Variants in B3GALT1 observed in about 807,000 individuals in gnomAD.
The protein encoded by B3GALT1 is beta-1,3-galactosyltransferase 1.
B3GALT1 carries 10 observed loss-of-function variants against 23.2 expected under a neutral mutation model. That is an observed-to-expected ratio of 0.43 (90% CI 0.27 to 0.73). B3GALT1 has a LOEUF of 0.73. Ranked by LOEUF, B3GALT1 falls within the 30% of genes least tolerant of loss-of-function variation. The pLI, the probability that B3GALT1 is intolerant of heterozygous loss-of-function variation, is 0.21. For missense variants in B3GALT1, 299 were observed against 405.4 expected (o/e 0.74, Z 2.25); for synonymous variants, 156 against 141.5 (o/e 1.10, Z -0.73).
chr2:167,447,817 G>C (rs1574083233), intron 1 of B3GALT1, among the ~76,000 whole-genome samples: 1 of 152,098 alleles, frequency 6.6e-6, no homozygotes, highest in East Asian at 1.9e-4. Flanking sequence ...TCCTGGGTGA[G>C]GCGATGCCTC....
At chr2:167,582,257 G>A (rs1425983740) in intron 2 of B3GALT1, among the ~76,000 whole-genome samples, 1 of 151,928 alleles carries the variant, frequency 6.6e-6, no homozygotes, top group African/African-American at 2.4e-5. Context: ...TCACCCTGAA[G>A]CAAAAAAAAA....
At chr2:167,720,327 C>G (rs1687211374) in intron 3 of B3GALT1, among the ~76,000 whole-genome samples, 1 of 152,130 alleles carries the variant, frequency 6.6e-6, no homozygotes, top group African/African-American at 2.4e-5. Context: ...TATGATGACA[C>G]TAGCTAAAAC....
chr2:167,728,188 G>C (rs970539245), intron 3 of B3GALT1, among the ~76,000 whole-genome samples: 1 of 152,168 alleles, frequency 6.6e-6, no homozygotes, highest in Non-Finnish European at 1.5e-5. Flanking sequence ...AGGAGTTTGA[G>C]ACCAGCCTGG....
chr2:167,574,484 A>C (rs1313196652), intron 2 of B3GALT1, among the ~76,000 whole-genome samples: 2 of 151,720 alleles, frequency 1.3e-5, no homozygotes, highest in African/African-American at 4.8e-5. Context: ...CAGTTGATTC[A>C]ATTGATGATG....
intron 4 of B3GALT1, among the ~76,000 whole-genome samples, chr2:167,864,566 C>T (rs1690171958): frequency 6.6e-6 from 1 of 152,020 alleles, no homozygotes. Flanking sequence ...CCTGTATTAA[C>T]TTGTTAATAA....
Position 167,417,086 on chromosome 2 carries a change from C to T in B3GALT1, c.-510-73091C>T, listed in dbSNP as rs183775936. Among the ~76,000 whole-genome samples the T allele has an allele frequency of 5.9e-5, 9 of 152,192 alleles. No individual in the cohort carries two copies. The East Asian group carries it at 1.2e-3, about 20-fold the overall frequency. Reference sequence around the variant, plus strand: ...TATATTTATGTGTTAGAAGGACATGCATTTTGGGAGGCCAGGGGTGGGATG... The same window carrying T: ...TATATTTATGTGTTAGAAGGACATGTATTTTGGGAGGCCAGGGGTGGGATG... On this transcript the variant is annotated intron_variant, in intron 1 of 4. Transcript: ENST00000392690.
chr2:167,805,547 G>A (rs1688734015), intron 3 of B3GALT1, among the ~76,000 whole-genome samples: 1 of 152,076 alleles, frequency 6.6e-6, no homozygotes, highest in African/African-American at 2.4e-5. Flanking sequence ...TCTACATATG[G>A]CTAGCCAGTT....
At chr2:167,487,502 A>G (rs543328399) in intron 1 of B3GALT1, among the ~76,000 whole-genome samples, 1 of 152,186 alleles carries the variant, frequency 6.6e-6, no homozygotes, top group African/African-American at 2.4e-5. Flanking sequence ...TAAAAATCCA[A>G]TAACTCTTTA....
At chr2:167,685,775 G>C (rs559954363) in intron 3 of B3GALT1, among the ~76,000 whole-genome samples, 1 of 152,150 alleles carries the variant, frequency 6.6e-6, no homozygotes, top group Non-Finnish European at 1.5e-5. Flanking sequence ...GTAGCCACGT[G>C]CTCAATGGCC....
chr2:167,693,636 G>A (rs1686748542), intron 3 of B3GALT1, among the ~76,000 whole-genome samples: 1 of 152,066 alleles, frequency 6.6e-6, no homozygotes, highest in African/African-American at 2.4e-5. Flanking sequence ...CTAATGATAA[G>A]TTCAGATATT....
At chr2:167,410,537 A>G (rs541887148) in intron 1 of B3GALT1, among the ~76,000 whole-genome samples, 2 of 150,692 alleles carry the variant, frequency 1.3e-5, no homozygotes, top group East Asian at 3.9e-4. Context: ...ATGAGAACAC[A>G]TGGACACAAC....
chr2:167,695,197 A>G (rs1686774017), intron 3 of B3GALT1, among the ~76,000 whole-genome samples: 1 of 152,118 alleles, frequency 6.6e-6, no homozygotes, highest in Non-Finnish European at 1.5e-5. Flanking sequence ...TCTTATTCTC[A>G]AATTCAGTTC....
At chr2:167,838,633 T>C (rs1320563658) in intron 4 of B3GALT1, among the ~76,000 whole-genome samples, 2 of 152,288 alleles carry the variant, frequency 1.3e-5, no homozygotes, top group Admixed American at 1.3e-4. Context: ...TCTGAAACTA[T>C]TCCAATCAAT....
chr2:167,302,669 G>A (rs1209518302), intron 1 of B3GALT1, among the ~76,000 whole-genome samples: 1 of 152,032 alleles, frequency 6.6e-6, no homozygotes, highest in East Asian at 1.9e-4. Flanking sequence ...ATAATTGCAT[G>A]TGTTTGTATA....
chr2:167,294,030 G>A (rs1696304164), intron 1 of B3GALT1, among the ~76,000 whole-genome samples: 1 of 152,204 alleles, frequency 6.6e-6, no homozygotes, highest in Non-Finnish European at 1.5e-5. Context: ...TTTCTGGAGC[G>A]CAGACTTGAG....
At position 167,865,904 on chromosome 2, in the gene B3GALT1, T is replaced by G. The variant is rs866933220; in HGVS notation, c.-229-2907T>G. Among the ~76,000 whole-genome samples the G allele has an allele frequency of 1.3e-5, 2 of 152,318 alleles. 1 individual carries two copies. The highest frequency in any genetic ancestry group is 6.8e-3 in the Middle Eastern group (2 of 294). ...TAGATTTCACAGATGGGTAACTAGC[T>G]ACTCAGCTCAGGACGGTGTCTGAGA... On this transcript the variant is annotated intron_variant, in intron 4 of 4. Transcript: ENST00000392690.
chr2:167,640,932 T>C (rs933328651), intron 2 of B3GALT1, among the ~76,000 whole-genome samples: 36 of 152,150 alleles, frequency 2.4e-4, no homozygotes, highest in Non-Finnish European at 7.3e-5. Context: ...TTTTATATAT[T>C]GAGCTCAACA....
chr2:167,584,948 C>G (rs1378376351), intron 2 of B3GALT1, among the ~76,000 whole-genome samples: 7 of 152,146 alleles, frequency 4.6e-5, no homozygotes, highest in Non-Finnish European at 1.0e-4. Context: ...AAATCATTCA[C>G]TGTTGGTGAT....
intron 1 of B3GALT1, among the ~76,000 whole-genome samples, chr2:167,349,992 G>A (rs2689840): frequency 0.77 from 117,875 of 152,130 alleles, 47,618 homozygotes; most frequent in Non-Finnish European, 0.89. Context: ...TATAAAATAC[G>A]TTTTATAAAA....
Sources: allele counts gnomAD v4.1 joint callset (sites outside exome capture counted in the v4.1 genomes callset), GRCh38; gene constraint gnomAD v4.1.1; transcripts MANE v1.5; gene names NCBI Gene and HGNC (gene_info 2026-07-23, HGNC 2026-07-21).